CRISPLD2: variants seen among roughly 807,000 people sequenced by gnomAD.
CRISPLD2 encodes cysteine-rich secretory protein LCCL domain-containing 2.
A neutral mutation model predicts 71.1 loss-of-function variants in CRISPLD2; 47 were observed. The observed-to-expected ratio is 0.66, with a 90% CI of 0.52 to 0.84. CRISPLD2 has a LOEUF of 0.84. Among genes scored for constraint, CRISPLD2 ranks in the 40% least tolerant of loss-of-function variants. CRISPLD2 has a pLI of 0.00. For synonymous variants in CRISPLD2, 317 were observed against 250.1 expected, an observed-to-expected ratio of 1.27 and a Z score of -2.52; for missense variants, 830 against 651.1, an observed-to-expected ratio of 1.27 and a Z score of -2.99.
chr16:84,872,343 A>G, intron 8 of CRISPLD2, 99 bp from the exon 9 acceptor site: 3 of 985,442 alleles, frequency 3.0e-6, no homozygotes, highest in Non-Finnish European at 4.8e-6. Flanking sequence ...GCTTTTCTAT[A>G]TTTAGTAATA....
chr16:84,845,229 G>A lies in CRISPLD2; in HGVS notation c.241-557G>A, dbSNP rs1403058237. Among the ~76,000 whole-genome samples the A allele has an allele frequency of 2.6e-5, 4 of 152,292 alleles. No individual in the cohort carries two copies. In the East Asian group the frequency reaches 7.7e-4, roughly 29 times the overall value. On this transcript the variant is annotated intron_variant, in intron 2 of 14. Transcript: ENST00000262424. ...TGCTTGCCTGTGAAATGGAGATAAG[G>A]GCCCGCTTCGGAGCCCCCTGTTAGA...
chr16:84,863,475 A>C (rs906156481), intron 6 of CRISPLD2, among the ~76,000 whole-genome samples: 1 of 152,194 alleles, frequency 6.6e-6, no homozygotes, highest in Non-Finnish European at 1.5e-5. Context: ...GATATAAAAA[A>C]AGAGGTATTC....
intron 6 of CRISPLD2, 33 bp from the exon 7 acceptor site, chr16:84,866,864 T>C: frequency 6.3e-7 from 1 of 1,599,056 alleles, no homozygotes; most frequent in Non-Finnish European, 8.6e-7. Flanking sequence ...AATCCCAGTG[T>C]GTTATTTTTT....
chr16:84,891,682 G>C (rs2071664088), intron 14 of CRISPLD2, among the ~76,000 whole-genome samples: 1 of 152,200 alleles, frequency 6.6e-6, no homozygotes, highest in Non-Finnish European at 1.5e-5. Context: ...TCCCTGTCGG[G>C]CTGATTCATG....
intron 6 of CRISPLD2, among the ~76,000 whole-genome samples, chr16:84,861,624 T>C (rs1917384208): frequency 6.6e-6 from 1 of 152,102 alleles, no homozygotes; most frequent in African/African-American, 2.4e-5. Context: ...TTAATCTCCT[T>C]TGGCAGCACC....
At position 84,889,377 on chromosome 16, in the gene CRISPLD2, C is replaced by T. The variant is rs756968304; in HGVS notation, c.1439+14C>T. 2.5e-6 allele frequency: 4 copies of T among 1,600,690 alleles called. No individual in the cohort carries two copies. The South Asian group carries it at 3.4e-5, about 13-fold the overall frequency. ...TCAGTCTGAAAGGTAGGGTGGTGTT[C>T]TCCAACCCTTGACACCCAATCCCGG... On this transcript the variant is annotated intron_variant, in intron 14 of 14. Coordinates refer to ENST00000262424, the MANE Select transcript of CRISPLD2 (RefSeq NM_031476.4).
At chr16:84,905,892 T>C (rs2071797899) in intron 14 of CRISPLD2, among the ~76,000 whole-genome samples, 1 of 151,888 alleles carries the variant, frequency 6.6e-6, no homozygotes, top group African/African-American at 2.4e-5. Context: ...GTATTTTTCG[T>C]AGAGATGGGG....
At chr16:84,885,842 G>A (rs1333676470) in intron 13 of CRISPLD2, among the ~76,000 whole-genome samples, 1 of 126,180 alleles carries the variant, frequency 7.9e-6, no homozygotes, top group Non-Finnish European at 1.6e-5. Context: ...TTTGAGATGG[G>A]ATCTGGAGCT....
chr16:84,833,863 C>T (rs963239188), intron 1 of CRISPLD2, among the ~76,000 whole-genome samples: 1 of 152,284 alleles, frequency 6.6e-6, no homozygotes, highest in African/African-American at 2.4e-5. Context: ...ACTCCCCCAG[C>T]CCAGCAGCCT....
chr16:84,880,678 C>T (rs774125833), intron 13 of CRISPLD2, 94 bp downstream of exon 13: 1 of 816,550 alleles, frequency 1.2e-6, no homozygotes, highest in South Asian at 1.5e-5. Context: ...AACTTTATTC[C>T]AGTGCCTCTT....
At chr16:84,893,236 G>A (rs2071678435) in intron 14 of CRISPLD2, among the ~76,000 whole-genome samples, 1 of 152,190 alleles carries the variant, frequency 6.6e-6, no homozygotes, top group Admixed American at 6.5e-5. Flanking sequence ...GGGTTGCCAT[G>A]AGAATTATGT....
intron 14 of CRISPLD2, among the ~76,000 whole-genome samples, chr16:84,898,483 C>T (rs73253468): frequency 0.021 from 3,153 of 152,218 alleles, 60 homozygotes; most frequent in African/African-American, 0.046. Flanking sequence ...CTGTCTGGTA[C>T]CCTCTGGGCT....
intron 7 of CRISPLD2, among the ~76,000 whole-genome samples, chr16:84,868,463 C>T (rs1476833895): frequency 1.3e-5 from 2 of 152,198 alleles, no homozygotes; most frequent in Non-Finnish European, 2.9e-5. Flanking sequence ...CCTCCCTACC[C>T]TCTCAGGAGT....
At chr16:84,833,608 C>A (rs1916540923) in intron 1 of CRISPLD2, among the ~76,000 whole-genome samples, 1 of 152,172 alleles carries the variant, frequency 6.6e-6, no homozygotes, top group African/African-American at 2.4e-5. Flanking sequence ...AAAGCGTGAG[C>A]TCTTCCAGGA....
intron 2 of CRISPLD2, chr16:84,839,908 G>A (rs1260601473): frequency 6.6e-6 from 1 of 152,322 alleles, no homozygotes; most frequent in Non-Finnish European, 1.5e-5. Context: ...GTGGAGGTGG[G>A]GGGTGGGAGC....
At chr16:84,871,007 G>A (rs929892002) in intron 8 of CRISPLD2, among the ~76,000 whole-genome samples, 21 of 152,140 alleles carry the variant, frequency 1.4e-4, no homozygotes, top group Non-Finnish European at 2.9e-5. Context: ...GCAATGAGCC[G>A]AGGTGTACTG....
chr16:84,907,589 G>A lies in CRISPLD2; in HGVS notation c.*947G>A, dbSNP rs2143405086. On this transcript the variant is annotated 3_prime_UTR_variant, in exon 15 of 15. Coordinates refer to ENST00000262424, the MANE Select transcript of CRISPLD2 (RefSeq NM_031476.4). The stretch of plus-strand genomic sequence containing the variant: ...TCGTAAGGTTCCACTGAGACGAGAT[G>A]TCTGAGAACAACCAAAGAAGGCCTG... 1 of 152,322 alleles carries A rather than the reference G, an allele frequency of 6.6e-6. No individual in the cohort carries two copies. The highest frequency in any genetic ancestry group is 1.9e-4 in the East Asian group (1 of 5,186). The allele number at this position is 152,322 out of a possible 1,614,324, so 9.4% of individuals were successfully genotyped here.
chr16:84,821,173 C>T (rs1916221831), intron 1 of CRISPLD2, among the ~76,000 whole-genome samples: 1 of 152,180 alleles, frequency 6.6e-6, no homozygotes, highest in African/African-American at 2.4e-5. Context: ...TGGGGTGAGC[C>T]TGCTTTCCCC....
At chr16:84,866,749 A>C in intron 6 of CRISPLD2, 148 bp from the exon 7 acceptor site, 1 of 751,356 alleles carries the variant, frequency 1.3e-6, no homozygotes, top group Non-Finnish European at 2.2e-6. Flanking sequence ...GTCTGTTCTG[A>C]AATGTAACTT....
Sources: allele counts gnomAD v4.1 joint callset (sites outside exome capture counted in the v4.1 genomes callset), GRCh38; gene constraint gnomAD v4.1.1; transcripts MANE v1.5; gene names NCBI Gene and HGNC (gene_info 2026-07-23, HGNC 2026-07-21).